RALGAPA1: variants seen among roughly 807,000 people sequenced by gnomAD.
The protein encoded by RALGAPA1 is ral GTPase-activating protein subunit alpha-1.
In RALGAPA1, 52 loss-of-function variants were observed where a neutral mutation model predicts 269.6. The observed-to-expected ratio is 0.19, with a 90% CI of 0.15 to 0.24. The LOEUF (loss-of-function observed/expected upper bound fraction) is 0.24, where lower values mean the gene tolerates loss of function less well. Among genes scored for constraint, RALGAPA1 ranks in the 10% least tolerant of loss-of-function variants. The probability of loss-of-function intolerance (pLI) is 1.00; values close to 1 mark genes in which losing one functional copy is unlikely to be tolerated. For synonymous variants in RALGAPA1, 817 were observed against 1,008.3 expected (o/e 0.81, Z 3.60); for missense variants, 1,917 against 3,013.9 (o/e 0.64, Z 8.52).
intron 16 of RALGAPA1, among the ~76,000 whole-genome samples, chr14:35,718,979 AC>A (rs1006139838): frequency 6.6e-6 from 1 of 151,890 alleles, no homozygotes; most frequent in African/African-American, 2.4e-5. Context: ...AGCTGGCACT[AC>A]GGGCATGCGC....
At chr14:35,571,642 C>A (rs1594637381) in intron 38 of RALGAPA1, among the ~76,000 whole-genome samples, 1 of 152,114 alleles carries the variant, frequency 6.6e-6, no homozygotes, top group East Asian at 1.9e-4. Context: ...CCACCGCACT[C>A]CAGCCTGGGT....
intron 1 of RALGAPA1, among the ~76,000 whole-genome samples, chr14:35,777,216 C>T (rs888995136): frequency 1.3e-5 from 2 of 151,364 alleles, no homozygotes; most frequent in African/African-American, 2.4e-5. Flanking sequence ...AACCTATTAA[C>T]GAAAAACAAA....
intron 41 of RALGAPA1, among the ~76,000 whole-genome samples, chr14:35,544,913 G>A (rs2054314727): frequency 1.3e-5 from 2 of 152,126 alleles, no homozygotes; most frequent in South Asian, 2.1e-4. Flanking sequence ...CAGGAGTGGT[G>A]GCATGGGCCT....
At chr14:35,748,409 T>A in intron 10 of RALGAPA1, 176 bp downstream of exon 10, 1 of 450,380 alleles carries the variant, frequency 2.2e-6, no homozygotes, top group Non-Finnish European at 3.5e-6. Context: ...AGATGCGGTC[T>A]CTCCATGTTG....
intron 12 of RALGAPA1, among the ~76,000 whole-genome samples, chr14:35,736,939 G>A (rs1288317816): frequency 6.6e-6 from 1 of 151,934 alleles, no homozygotes; most frequent in Non-Finnish European, 1.5e-5. Flanking sequence ...AGGAGGCTGA[G>A]GCAGGAGAAT....
At chr14:35,629,733 T>TTGTGATCCACCC (rs1375061713) in intron 33 of RALGAPA1, among the ~76,000 whole-genome samples, 2 of 152,140 alleles carry the variant, frequency 1.3e-5, no homozygotes, top group African/African-American at 4.8e-5. Flanking sequence ...ACTCTTGACC[T>TTGTGATCCACCC]TGTGATCCAC....
chr14:35,783,531 G>A (rs984236598), intron 1 of RALGAPA1, among the ~76,000 whole-genome samples: 2 of 152,034 alleles, frequency 1.3e-5, no homozygotes, highest in African/African-American at 4.8e-5. Flanking sequence ...TCTTAGATAT[G>A]ACACTAAATG....
rs2140436646 is a variant in RALGAPA1 at position 35,688,577 on chromosome 14, A to G, written c.3834T>C (p.His1278=). The G allele has an allele frequency of 1.3e-6, 2 of 1,536,066 alleles. No individual in the cohort carries two copies. The highest frequency in any genetic ancestry group is 2.4e-5 in the South Asian group (2 of 84,062). The part of the protein sequence containing the change: ...SLGGVYKTVV[H]ALSKPKANVS... ...CATTTGCCTTCGGCTTCGAAAGAGC[A>G]TGTACAACAGTTTTATAAACGCCAC... is the stretch of plus-strand genomic sequence containing the variant. The change falls in exon 18 of 42, where the codon CAT becomes CAC. Residue 1278 remains histidine, a synonymous_variant. Coordinates refer to ENST00000680220, the MANE Select transcript of RALGAPA1 (RefSeq NM_001346249.2).
chr14:35,579,354 G>A (rs1358357950), intron 37 of RALGAPA1, among the ~76,000 whole-genome samples: 1 of 152,152 alleles, frequency 6.6e-6, no homozygotes, highest in African/African-American at 2.4e-5. Flanking sequence ...TTCCCGGCCG[G>A]GCACAGTGGC....
At chr14:35,544,536 A>G (rs543082603) in intron 41 of RALGAPA1, among the ~76,000 whole-genome samples, 1 of 152,338 alleles carries the variant, frequency 6.6e-6, no homozygotes, top group African/African-American at 2.4e-5. Flanking sequence ...TATTTTCATT[A>G]CAAAAATTTC....
chr14:35,559,357 T>A (rs116948706), intron 39 of RALGAPA1, among the ~76,000 whole-genome samples: 1 of 152,312 alleles, frequency 6.6e-6, no homozygotes, highest in Non-Finnish European at 1.5e-5. Context: ...AATCCCGAAA[T>A]AGCATCTGAA....
intron 4 of RALGAPA1, among the ~76,000 whole-genome samples, chr14:35,762,963 G>T (rs949349927): frequency 1.3e-5 from 2 of 152,044 alleles, no homozygotes; most frequent in African/African-American, 4.8e-5. Flanking sequence ...AATTAAACAT[G>T]ATTTATTTTA....
At chr14:35,671,368 A>C in intron 26 of RALGAPA1, 21 bp downstream of exon 26, 1 of 1,584,530 alleles carries the variant, frequency 6.3e-7, no homozygotes, top group Non-Finnish European at 8.6e-7. Flanking sequence ...GTTATATGAT[A>C]AGGAACAGGA....
intron 31 of RALGAPA1, among the ~76,000 whole-genome samples, chr14:35,639,635 AC>A (rs1412355486): frequency 6.6e-6 from 1 of 152,192 alleles, no homozygotes; most frequent in African/African-American, 2.4e-5. Flanking sequence ...AACTATACAA[AC>A]ACTTAGGAAT....
chr14:35,727,729 C>T (rs1008565561), intron 13 of RALGAPA1, among the ~76,000 whole-genome samples: 1 of 151,838 alleles, frequency 6.6e-6, no homozygotes, highest in Non-Finnish European at 1.5e-5. Flanking sequence ...AAGAACTATA[C>T]AGAAGTACAA....
At chr14:35,623,424 G>T (rs1180356346) in intron 35 of RALGAPA1, among the ~76,000 whole-genome samples, 4 of 151,184 alleles carry the variant, frequency 2.6e-5, no homozygotes, top group Non-Finnish European at 5.9e-5. Flanking sequence ...ACTAGAAAAA[G>T]AACACCAACA....
chr14:35,612,370 CAAAAAAAAAAA>C (rs1010725263), intron 35 of RALGAPA1, among the ~76,000 whole-genome samples: 3 of 63,322 alleles, frequency 4.7e-5, no homozygotes, highest in Admixed American at 1.7e-4. Context: ...AACTCTGTTT[CAAAAAAAAAAA>C]AAAAAAAAAA....
chr14:35,611,527 A>G (rs1023463796), intron 35 of RALGAPA1, among the ~76,000 whole-genome samples: 1 of 151,286 alleles, frequency 6.6e-6, no homozygotes, highest in African/African-American at 2.4e-5. Flanking sequence ...AGGAAAAAGA[A>G]AAACACCCAG....
chr14:35,792,606 A>T (rs1016720498), intron 1 of RALGAPA1, among the ~76,000 whole-genome samples: 1 of 151,632 alleles, frequency 6.6e-6, no homozygotes. Context: ...AACGTGGCGA[A>T]ACCCCATCTC....
Sources: allele counts gnomAD v4.1 joint callset (sites outside exome capture counted in the v4.1 genomes callset), GRCh38; gene constraint gnomAD v4.1.1; transcripts MANE v1.5; gene names NCBI Gene and HGNC (gene_info 2026-07-23, HGNC 2026-07-21).